Variants in CACNA1E observed in about 807,000 individuals in gnomAD.
CACNA1E encodes calcium voltage-gated channel subunit alpha1 E, also known as voltage-dependent R-type calcium channel subunit alpha-1E.
In CACNA1E, 40 loss-of-function variants were observed where a neutral mutation model predicts 259.2. That is an observed-to-expected ratio of 0.15 (90% confidence interval 0.12 to 0.20). CACNA1E has a LOEUF of 0.20. Ranked by LOEUF, CACNA1E falls within the 10% of genes least tolerant of loss-of-function variation. CACNA1E has a pLI of 1.00. For missense variants in CACNA1E, 1,874 were observed against 3,040.1 expected (o/e 0.62, Z 9.02); for synonymous variants, 1,104 against 1,138.5 (o/e 0.97, Z 0.61).
chr1:181,711,044 C>T lies in CACNA1E; in HGVS notation c.1146C>T (p.Gly382=). The T allele has an allele frequency of 6.2e-7, 1 of 1,613,640 alleles. No homozygotes were observed. Among genetic ancestry groups the T allele is most frequent in the South Asian group, 1.1e-5 (1 of 91,086 alleles). ...RQQQIERELN[G]YRAWIDKAEE... is the part of the protein sequence containing the mutation. ...AGCAGATTGAGCGTGAGCTGAATGG[C>T]TACCGTGCCTGGATAGACAAAGCAG... The change falls in exon 8 of 48, where the codon GGC becomes GGT. Residue 382 remains glycine, a synonymous_variant. Coordinates refer to ENST00000367573, the MANE Select transcript of CACNA1E (RefSeq NM_001205293.3).
At chr1:181,715,777 G>A (rs1057075575) in intron 9 of CACNA1E, among the ~76,000 whole-genome samples, 4 of 152,202 alleles carry the variant, frequency 2.6e-5, no homozygotes, top group Non-Finnish European at 4.4e-5. Context: ...GATACGGAGT[G>A]CCTGTTTACC....
At chr1:181,377,946 T>C (rs1455694554) in intron 1 of CACNA1E, among the ~76,000 whole-genome samples, 1 of 152,232 alleles carries the variant, frequency 6.6e-6, no homozygotes, top group Non-Finnish European at 1.5e-5. Flanking sequence ...CAGGAGCTGC[T>C]AGCAACATAT....
intron 1 of CACNA1E, among the ~76,000 whole-genome samples, chr1:181,373,740 T>G (rs989843936): frequency 4.6e-5 from 7 of 152,074 alleles, no homozygotes; most frequent in Admixed American, 1.3e-4. Flanking sequence ...GGTTTCACCG[T>G]GGTCTCGATC....
chr1:181,649,516 G>A (rs1658565341), intron 6 of CACNA1E, among the ~76,000 whole-genome samples: 1 of 152,016 alleles, frequency 6.6e-6, no homozygotes, highest in Admixed American at 6.6e-5. Flanking sequence ...ACAACCCAAA[G>A]GAATATAAAT....
At chr1:181,531,086 G>A (rs767466104) in intron 3 of CACNA1E, among the ~76,000 whole-genome samples, 6 of 152,252 alleles carry the variant, frequency 3.9e-5, no homozygotes, top group Non-Finnish European at 7.3e-5. Context: ...CTGTGTGGCA[G>A]TGGTGTTTCC....
chr1:181,631,630 C>T (rs1173152084), intron 6 of CACNA1E, among the ~76,000 whole-genome samples: 1 of 152,140 alleles, frequency 6.6e-6, no homozygotes, highest in Non-Finnish European at 1.5e-5. Context: ...AGATAGGCCT[C>T]CTGCCTGCCC....
intron 2 of CACNA1E, among the ~76,000 whole-genome samples, chr1:181,419,432 T>A (rs1197094919): frequency 1.3e-5 from 2 of 152,220 alleles, no homozygotes; most frequent in Non-Finnish European, 2.9e-5. Context: ...CATTTAGGTT[T>A]CTGCTCAGAG....
At chr1:181,523,937 C>T (rs369340881) in intron 3 of CACNA1E, among the ~76,000 whole-genome samples, 17 of 152,164 alleles carry the variant, frequency 1.1e-4, no homozygotes, top group African/African-American at 3.9e-4. Context: ...TTGGAGTTCA[C>T]GAGATATATG....
chr1:181,381,985 G>T (rs1252213672), intron 1 of CACNA1E, among the ~76,000 whole-genome samples: 1 of 152,186 alleles, frequency 6.6e-6, no homozygotes, highest in Admixed American at 6.5e-5. Context: ...GAGCATGGAG[G>T]TGAGAGCAGA....
chr1:181,535,385 A>C (rs1668089272), intron 3 of CACNA1E, among the ~76,000 whole-genome samples: 1 of 111,894 alleles, frequency 8.9e-6, no homozygotes, highest in Admixed American at 1.0e-4. Context: ...AAGAGAAAAA[A>C]TGTATGCTGC....
intron 15 of CACNA1E, among the ~76,000 whole-genome samples, chr1:181,721,520 A>G (rs1020855145): frequency 2.6e-5 from 4 of 152,182 alleles, no homozygotes; most frequent in Non-Finnish European, 4.4e-5. Flanking sequence ...AGTTGGAGGA[A>G]CAGAATCTTT....
At chr1:181,713,831 T>C (rs1002614706) in intron 8 of CACNA1E, among the ~76,000 whole-genome samples, 8 of 152,130 alleles carry the variant, frequency 5.3e-5, no homozygotes, top group Admixed American at 3.9e-4. Context: ...CTTGGAGGGA[T>C]GCTAGTGAGG....
chr1:181,535,536 T>G (rs1248035886), intron 3 of CACNA1E, among the ~76,000 whole-genome samples: 1 of 152,168 alleles, frequency 6.6e-6, no homozygotes, highest in Non-Finnish European at 1.5e-5. Context: ...AAATGTAAAT[T>G]ACATTTCTGC....
At chr1:181,400,465 C>T (rs1460781928) in intron 1 of CACNA1E, among the ~76,000 whole-genome samples, 3 of 152,094 alleles carry the variant, frequency 2.0e-5, no homozygotes, top group Non-Finnish European at 4.4e-5. Context: ...AGAGGGCCCT[C>T]CTTGTCTGTG....
At chr1:181,735,749 G>T (rs1039628359) in intron 21 of CACNA1E, among the ~76,000 whole-genome samples, 5 of 152,204 alleles carry the variant, frequency 3.3e-5, no homozygotes, top group Non-Finnish European at 7.3e-5. Flanking sequence ...ATTGCAGGGT[G>T]ATTCAATGAA....
chr1:181,495,839 A>C (rs76332067), intron 1 of CACNA1E, among the ~76,000 whole-genome samples: 1,589 of 152,310 alleles, frequency 0.01, 26 homozygotes, highest in African/African-American at 0.037. Context: ...AGAATTTATA[A>C]ATATATAACA....
chr1:181,726,014 T>A lies in CACNA1E; in HGVS notation c.2143-51T>A. 4.6e-6 allele frequency: 6 copies of A among 1,306,696 alleles called. No homozygotes were observed. The South Asian group carries it at 6.2e-5, about 14-fold the overall frequency. 80.9% of individuals were successfully genotyped at this position (1,306,696 alleles called of 1,614,324 possible). ...CCTTAGGAGAGCAGCCAAGGGAAGCTACTCTCCTTCCTGGGGATCCCAGGC... is the reference window on the plus strand; with the variant it reads ...CCTTAGGAGAGCAGCCAAGGGAAGCAACTCTCCTTCCTGGGGATCCCAGGC... On this transcript the variant is annotated intron_variant, in intron 17 of 47. Transcript: ENST00000367573.
At chr1:181,517,363 A>G (rs1666665935) in intron 3 of CACNA1E, among the ~76,000 whole-genome samples, 1 of 152,098 alleles carries the variant, frequency 6.6e-6, no homozygotes, top group African/African-American at 2.4e-5. Context: ...AGAGGTCAGC[A>G]GGGGCCAGTC....
At chr1:181,606,088 A>T (rs1308229025) in intron 6 of CACNA1E, among the ~76,000 whole-genome samples, 1 of 151,764 alleles carries the variant, frequency 6.6e-6, no homozygotes, top group Non-Finnish European at 1.5e-5. Context: ...TGGGGCTCTC[A>T]TTTATTCTCA....
Sources: gnomAD v4.1 joint callset for allele counts (sites outside exome capture counted in the v4.1 genomes callset) on GRCh38, gnomAD v4.1.1 for gene constraint, MANE v1.5 for transcripts, NCBI Gene and HGNC (gene_info 2026-07-23, HGNC 2026-07-21) for gene names.